SQOR: variants seen among roughly 807,000 people sequenced by gnomAD.
The protein encoded by SQOR is sulfide quinone oxidoreductase, also known as sulfide:quinone oxidoreductase, mitochondrial.
A neutral mutation model predicts 48.6 loss-of-function variants in SQOR; 39 were observed. That is an observed-to-expected ratio of 0.80 (90% CI 0.62 to 1.05). SQOR has a LOEUF of 1.05. SQOR is among the 50% of genes least tolerant of loss of function. The pLI is 0.00. For synonymous variants in SQOR, 220 were observed against 206.2 expected, an observed-to-expected ratio of 1.07 and a Z score of -0.57; for missense variants, 561 against 559.9, an observed-to-expected ratio of 1.00 and a Z score of -0.02.
intron 5 of SQOR, among the ~76,000 whole-genome samples, chr15:45,675,196 C>T (rs1465302847): frequency 6.6e-6 from 1 of 152,084 alleles, no homozygotes; most frequent in Admixed American, 6.5e-5. Flanking sequence ...CTGTTTCTTC[C>T]GTCCTGGAAA....
At chr15:45,655,879 A>G (rs12440220) in intron 1 of SQOR, among the ~76,000 whole-genome samples, 57,904 of 151,210 alleles carry the variant, frequency 0.38, 11,438 homozygotes, top group Middle Eastern at 0.5. Context: ...TAGAGACGGG[A>G]TTTCACCATG....
At chr15:45,657,364 T>G (rs1469434684) in intron 1 of SQOR, among the ~76,000 whole-genome samples, 1 of 152,108 alleles carries the variant, frequency 6.6e-6, no homozygotes, top group Non-Finnish European at 1.5e-5. Flanking sequence ...AAAACATCTT[T>G]GTAGTGGTTT....
At chr15:45,644,547 G>A (rs675413) in intron 1 of SQOR, among the ~76,000 whole-genome samples, 39,974 of 152,122 alleles carry the variant, frequency 0.26, 6,622 homozygotes, top group East Asian at 0.64. Context: ...CAAGTATGGT[G>A]AGGCCAACAG....
rs8036075 is a variant in SQOR, at chr15:45,642,723, A to G, written c.-18+7615A>G. Reference sequence around the variant, plus strand: ...CAAAAGTAGCCCGAACAGGTCCCTGACATAACTTCCCTTTTTCTGCTCACA... The same window carrying G: ...CAAAAGTAGCCCGAACAGGTCCCTGGCATAACTTCCCTTTTTCTGCTCACA... On this transcript the variant is annotated intron_variant, in intron 1 of 9. Transcript: ENST00000260324. 9.7e-3 allele frequency among the ~76,000 whole-genome samples: 1,475 copies of G among 152,158 alleles called. 24 individuals are homozygous for G. Among genetic ancestry groups the G allele is most frequent in the African/African-American group, 0.034 (1,392 of 41,482 alleles).
chr15:45,683,958 C>G (rs62008310), intron 7 of SQOR, among the ~76,000 whole-genome samples: 13,818 of 151,788 alleles, frequency 0.091, 816 homozygotes, highest in Middle Eastern at 0.2. Flanking sequence ...GTTGCCTGGA[C>G]TGGAGTGCAG....
intron 1 of SQOR, among the ~76,000 whole-genome samples, chr15:45,639,457 G>A (rs1026882878): frequency 6.6e-6 from 1 of 152,230 alleles, no homozygotes; most frequent in Non-Finnish European, 1.5e-5. Context: ...CCAGCCCTCA[G>A]GGAACTTTCA....
At chr15:45,665,584 CTT>C (rs1416571890) in intron 3 of SQOR, among the ~76,000 whole-genome samples, 37 of 140,034 alleles carry the variant, frequency 2.6e-4, no homozygotes, top group Non-Finnish European at 2.5e-4. Flanking sequence ...TCCATTCTGT[CTT>C]TTTTTTTTTT....
chr15:45,640,043 G>A (rs1895076589), intron 1 of SQOR, among the ~76,000 whole-genome samples: 1 of 152,152 alleles, frequency 6.6e-6, no homozygotes, highest in Non-Finnish European at 1.5e-5. Context: ...GAGTAATTAC[G>A]TAAAGTGCAT....
At position 45,681,078 on chromosome 15, in the gene SQOR, G is replaced by A. The variant is rs191754003; in HGVS notation, c.865-1400G>A. ...AAAAACAACAACAACAAACTAGCTG[G>A]GTGTGGTGGTGCGTGCCTCCTGGCT... On this transcript the variant is annotated intron_variant, in intron 6 of 9. Transcript: ENST00000260324. 7.2e-5 allele frequency among the ~76,000 whole-genome samples: 11 copies of A among 152,104 alleles called. No individual in the cohort carries two copies. In the East Asian group the frequency reaches 2.1e-3, roughly 29 times the overall value.
intron 1 of SQOR, among the ~76,000 whole-genome samples, chr15:45,637,462 T>C (rs1347091175): frequency 1.3e-5 from 2 of 152,114 alleles, no homozygotes; most frequent in Non-Finnish European, 2.9e-5. Flanking sequence ...GAGGTACTCA[T>C]TATTTATTGA....
Position 45,640,497 on chromosome 15 carries a change from C to T in SQOR, c.-18+5389C>T, listed in dbSNP as rs999574412. Among the ~76,000 whole-genome samples, 7 of 152,238 alleles carry T rather than the reference C, an allele frequency of 4.6e-5. No homozygotes were observed. The East Asian group carries it at 5.8e-4, about 13-fold the overall frequency. ...GTCATCTAGCTGGACACAGAAGAGACGTGAGCTGTCTACACCTCATTCTGT... is the reference window on the plus strand; with the variant it reads ...GTCATCTAGCTGGACACAGAAGAGATGTGAGCTGTCTACACCTCATTCTGT... On this transcript the variant is annotated intron_variant, in intron 1 of 9. Coordinates refer to ENST00000260324, the MANE Select transcript of SQOR (RefSeq NM_021199.4).
intron 3 of SQOR, among the ~76,000 whole-genome samples, chr15:45,668,994 A>G (rs992158507): frequency 1.3e-5 from 2 of 152,032 alleles, no homozygotes; most frequent in African/African-American, 4.8e-5. Context: ...ACTATGTCAT[A>G]GCCTTTCAAT....
chr15:45,648,209 G>A lies in SQOR; in HGVS notation c.-17-10698G>A, dbSNP rs919553160. 4.6e-5 allele frequency among the ~76,000 whole-genome samples: 7 copies of A among 150,886 alleles called. No homozygotes were observed. The South Asian group carries it at 6.3e-4, about 14-fold the overall frequency. On this transcript the variant is annotated intron_variant, in intron 1 of 9. Transcript: ENST00000260324. ...TTTTTTTTTTGAGACGGAATCTTGCGCCACCGTCACCAGGCTGGAGTGCAG... is the reference window on the plus strand; with the variant it reads ...TTTTTTTTTTGAGACGGAATCTTGCACCACCGTCACCAGGCTGGAGTGCAG...
chr15:45,647,120 G>A (rs943428331), intron 1 of SQOR, among the ~76,000 whole-genome samples: 3 of 151,802 alleles, frequency 2.0e-5, no homozygotes, highest in African/African-American at 4.8e-5. Context: ...GTTGTGGTGG[G>A]CGCCTGTAAT....
At chr15:45,644,166 C>A (rs1386261819) in intron 1 of SQOR, among the ~76,000 whole-genome samples, 4 of 152,110 alleles carry the variant, frequency 2.6e-5, no homozygotes, top group Non-Finnish European at 4.4e-5. Context: ...CGGCTCACTG[C>A]AACCTCTGCC....
In SQOR at chr15:45,659,096, T is replaced by A. The variant is rs1210703463; in HGVS notation, c.173T>A (p.Met58Lys). ...VLGGGSGGIT[M>K]AARMKRKVGA... The stretch of plus-strand genomic sequence containing the variant: ...GGTGGGGGCAGTGGCGGAATCACCA[T>A]GGCTGCCCGCATGAAGAGGAAAGTG... Residue 58 changes from methionine to lysine, a missense_variant, in exon 2 of 10, where the codon ATG (methionine) becomes AAG (lysine). Met to Lys is a moderately conservative substitution (Grantham distance 95). Coordinates refer to ENST00000260324, the MANE Select transcript of SQOR (RefSeq NM_021199.4). The A allele has an allele frequency of 6.3e-7, 1 of 1,586,466 alleles. No homozygotes were observed. Among genetic ancestry groups the A allele is most frequent in the African/African-American group, 1.3e-5 (1 of 74,778 alleles).
At chr15:45,677,233 C>T (rs946039450) in intron 6 of SQOR, among the ~76,000 whole-genome samples, 1 of 151,942 alleles carries the variant, frequency 6.6e-6, no homozygotes, top group Non-Finnish European at 1.5e-5. Context: ...TTTCTTCTAT[C>T]TGCCTTTGTC....
chr15:45,672,706 C>T (rs1889966861), intron 4 of SQOR, among the ~76,000 whole-genome samples: 1 of 152,178 alleles, frequency 6.6e-6, no homozygotes, highest in Admixed American at 6.5e-5. Flanking sequence ...ACTCTACGAG[C>T]CTTCTAACAT....
chr15:45,640,080 C>T lies in SQOR; in HGVS notation c.-18+4972C>T, dbSNP rs145227038. Among the ~76,000 whole-genome samples, 444 of 152,320 alleles carry T rather than the reference C, an allele frequency of 2.9e-3. 2 individuals carry two copies. The highest frequency in any genetic ancestry group is 0.01 in the African/African-American group (422 of 41,552). ...GCACAATGCCTGTCACATATCAACA[C>T]TTCCACAAATGATTTGGGGACTTGC... On this transcript the variant is annotated intron_variant, in intron 1 of 9. Coordinates refer to ENST00000260324, the MANE Select transcript of SQOR (RefSeq NM_021199.4).
Sources: gnomAD v4.1 joint callset for allele counts (sites outside exome capture counted in the v4.1 genomes callset) on GRCh38, gnomAD v4.1.1 for gene constraint, MANE v1.5 for transcripts, NCBI Gene and HGNC (gene_info 2026-07-23, HGNC 2026-07-21) for gene names.